The following ABTB2 variants were observed in gnomAD, a reference collection of about 807,000 sequenced individuals.
ABTB2 encodes ankyrin repeat and BTB domain containing 2, also known as ankyrin repeat and BTB/POZ domain-containing protein 2.
A neutral mutation model predicts 104.1 loss-of-function variants in ABTB2; 56 were observed. The observed-to-expected ratio is 0.54, with a 90% CI of 0.43 to 0.67. The LOEUF (loss-of-function observed/expected upper bound fraction) is 0.67, where lower values mean the gene tolerates loss of function less well. Among genes scored for constraint, ABTB2 ranks in the 30% least tolerant of loss-of-function variants. The probability of loss-of-function intolerance (pLI) is 0.00; values close to 1 mark genes in which losing one functional copy is unlikely to be tolerated. For synonymous variants in ABTB2, 606 were observed against 608.2 expected, an observed-to-expected ratio of 1.00 and a Z score of 0.05; for missense variants, 1,279 against 1,407.7, an observed-to-expected ratio of 0.91 and a Z score of 1.46.
At chr11:34,209,333 C>T (rs1853447428) in intron 1 of ABTB2, among the ~76,000 whole-genome samples, 1 of 151,184 alleles carries the variant, frequency 6.6e-6, no homozygotes, top group Non-Finnish European at 1.5e-5. Flanking sequence ...CAGAGTGAGC[C>T]TCTGTCTCCA....
intron 10 of ABTB2, 45 bp from the exon 11 acceptor site, chr11:34,161,126 G>C (rs1852715517): frequency 6.5e-7 from 1 of 1,539,506 alleles, no homozygotes. Flanking sequence ...CCACAGCTGA[G>C]CGCTCCCGGC....
intron 1 of ABTB2, among the ~76,000 whole-genome samples, chr11:34,236,339 T>C (rs1338860513): frequency 6.6e-6 from 1 of 152,114 alleles, no homozygotes; most frequent in Non-Finnish European, 1.5e-5. Context: ...GGGTAGAGAA[T>C]TCACACTTGT....
At chr11:34,256,877 C>T (rs1854129828) in intron 1 of ABTB2, among the ~76,000 whole-genome samples, 1 of 152,160 alleles carries the variant, frequency 6.6e-6, no homozygotes, top group Non-Finnish European at 1.5e-5. Context: ...GTTTTGTGGA[C>T]TGTCATGGCT....
intron 1 of ABTB2, among the ~76,000 whole-genome samples, chr11:34,300,880 T>C (rs1854696520): frequency 6.6e-6 from 1 of 152,224 alleles, no homozygotes. Context: ...AAGTGAATCA[T>C]AAACTACTTT....
In ABTB2 at chr11:34,159,289, C is replaced by G; in HGVS notation, c.2697+7G>C. On this transcript the variant is annotated splice_region_variant and intron_variant, in intron 14 of 16. Coordinates refer to ENST00000435224, the MANE Select transcript of ABTB2 (RefSeq NM_145804.3). ...CTGAGAAGAGGGCGGCACCAAGACCCACACACCTGAAAAATGTGGTACTTC... is the reference window on the plus strand; with the variant it reads ...CTGAGAAGAGGGCGGCACCAAGACCGACACACCTGAAAAATGTGGTACTTC... The G allele has an allele frequency of 6.2e-7, 1 of 1,608,942 alleles. No individual in the cohort carries two copies. The highest frequency in any genetic ancestry group is 8.5e-7 in the Non-Finnish European group (1 of 1,177,072).
rs905665217 is a variant in ABTB2 at position 34,335,717 on chromosome 11, T to C, written c.883+20984A>G. 2.2e-6 allele frequency: 3 copies of C among 1,394,274 alleles called. No homozygotes were observed. In the African/African-American group the frequency reaches 4.3e-5, roughly 20 times the overall value. 86.4% of individuals were successfully genotyped at this position (1,394,274 alleles called of 1,614,324 possible). On this transcript the variant is annotated intron_variant, in intron 1 of 16. Transcript: ENST00000435224. The stretch of plus-strand genomic sequence containing the variant: ...TCTGCTAGAACATCAGGCAAAGTTT[T>C]ATAAAGCAGGCTTTTCTTCTGTGAA...
At chr11:34,268,893 C>A (rs1854279965) in intron 1 of ABTB2, among the ~76,000 whole-genome samples, 1 of 152,168 alleles carries the variant, frequency 6.6e-6, no homozygotes, top group African/African-American at 2.4e-5. Flanking sequence ...GATGGGGGAC[C>A]CACCCTACCC....
At position 34,247,742 on chromosome 11, in the gene ABTB2, T is replaced by C. The variant is rs894288608; in HGVS notation, c.884-43052A>G. On this transcript the variant is annotated intron_variant, in intron 1 of 16. Coordinates refer to ENST00000435224, the MANE Select transcript of ABTB2 (RefSeq NM_145804.3). ...AATTATAGCAATAGCTGATACAGAT[T>C]GTGCATTGACTACAAATCAGATACT... Among the ~76,000 whole-genome samples, 5 of 152,362 alleles carry C rather than the reference T, an allele frequency of 3.3e-5. No individual in the cohort carries two copies. The South Asian group carries it at 1.0e-3, about 32-fold the overall frequency.
At chr11:34,187,985 A>G (rs1229166922) in intron 3 of ABTB2, among the ~76,000 whole-genome samples, 1 of 152,166 alleles carries the variant, frequency 6.6e-6, no homozygotes, top group African/African-American at 2.4e-5. Flanking sequence ...ACGCAGGCTT[A>G]TGGTAACAGT....
intron 1 of ABTB2, among the ~76,000 whole-genome samples, chr11:34,234,646 A>G (rs555456980): frequency 1.9e-4 from 29 of 152,262 alleles, no homozygotes; most frequent in Non-Finnish European, 3.5e-4. Flanking sequence ...TTTGTGCGGA[A>G]TCTTTTCCTT....
chr11:34,326,629 CAAA>C (rs35018448), intron 1 of ABTB2, among the ~76,000 whole-genome samples: 3 of 102,358 alleles, frequency 2.9e-5, no homozygotes, highest in African/African-American at 3.4e-5. Flanking sequence ...GACCCTGTCT[CAAA>C]AAAAAAAAAA....
rs536093339 is a variant in ABTB2, at chr11:34,343,634, C to T, written c.883+13067G>A. Among the ~76,000 whole-genome samples, 18 of 137,196 alleles carry T rather than the reference C, an allele frequency of 1.3e-4. 1 individual carries two copies. Among genetic ancestry groups the T allele is most frequent in the African/African-American group, 3.0e-4 (12 of 40,430 alleles). The allele number at this position is 137,196 out of a possible 152,430, so 90.0% of individuals were successfully genotyped here. ...GGATTACAGGCGCCTGCCACCACAC[C>T]GCCTCATTTCTGTATTTTTAGTAGA... On this transcript the variant is annotated intron_variant, in intron 1 of 16. Transcript: ENST00000435224.
intron 1 of ABTB2, among the ~76,000 whole-genome samples, chr11:34,232,406 C>T (rs1407900815): frequency 4.1e-5 from 6 of 146,188 alleles, no homozygotes; most frequent in South Asian, 4.3e-4. Flanking sequence ...GCTGAGATCG[C>T]GCCACTGCAC....
At position 34,357,241 on chromosome 11, in the gene ABTB2, G is replaced by A. The variant is rs1374842786; in HGVS notation, c.343C>T (p.Arg115Trp). 2.0e-6 allele frequency: 3 copies of A among 1,499,108 alleles called. No individual in the cohort carries two copies. In the South Asian group the frequency reaches 3.8e-5, roughly 19 times the overall value. 92.9% of individuals were successfully genotyped at this position (1,499,108 alleles called of 1,614,324 possible). Residue 115 changes from arginine to tryptophan, a missense_variant, in exon 1 of 17, where the codon CGG (arginine) becomes TGG (tryptophan). Transcript: ENST00000435224. ...TCGGCGGAGAACTGGGGCAGCCGCC[G>A]GCCGCCAGCGCCTTTGCGGAGCACC... is the stretch of plus-strand genomic sequence containing the variant. ...ARVLRKGAGG[R>W]RLPQFSAEAV...
At position 34,328,152 on chromosome 11, in the gene ABTB2, G is replaced by A. The variant is rs190018106; in HGVS notation, c.883+28549C>T. On this transcript the variant is annotated intron_variant, in intron 1 of 16. Transcript: ENST00000435224. ...GTCAGACAGATGGAGAGATCACGTG[G>A]GTCAGACAGGTTGGAAGGAGGCCCA... Among the ~76,000 whole-genome samples, 482 of 152,266 alleles carry A rather than the reference G, an allele frequency of 3.2e-3. 3 individuals are homozygous for A. Among genetic ancestry groups the A allele is most frequent in the African/African-American group, 0.01 (436 of 41,550 alleles).
At chr11:34,287,185 GAAA>G (rs34599793) in intron 1 of ABTB2, among the ~76,000 whole-genome samples, 2 of 105,948 alleles carry the variant, frequency 1.9e-5, no homozygotes, top group Non-Finnish European at 2.0e-5. Flanking sequence ...TGTCTTTATT[GAAA>G]AAAAAAAAAA....
chr11:34,181,446 G>T (rs2133024216), intron 3 of ABTB2, among the ~76,000 whole-genome samples: 1 of 152,300 alleles, frequency 6.6e-6, no homozygotes, highest in South Asian at 2.1e-4. Context: ...GCACAGGCCT[G>T]TAACCAGAGG....
chr11:34,180,797 T>A (rs767221903), intron 3 of ABTB2, among the ~76,000 whole-genome samples: 8 of 152,224 alleles, frequency 5.3e-5, no homozygotes, highest in Non-Finnish European at 1.0e-4. Context: ...CAGGTGAGCC[T>A]GATTGTTCAA....
rs778125139 is a variant in ABTB2, at chr11:34,356,797, A to G, written c.787T>C (p.Ser263Pro). 1 of 1,609,056 alleles carries G rather than the reference A, an allele frequency of 6.2e-7. No homozygotes were observed. The highest frequency in any genetic ancestry group is 8.5e-7 in the Non-Finnish European group (1 of 1,177,892). The part of the protein sequence containing the change: ...DGGGAGGGEV[S>P]AEALEMVINN... ...ATGACCATCTCCAGGGCCTCAGCAGACACCTCCCCGCCTCCGGCCCCTCCG... is the reference window on the plus strand; with the variant it reads ...ATGACCATCTCCAGGGCCTCAGCAGGCACCTCCCCGCCTCCGGCCCCTCCG... The change falls in exon 1 of 17, where the codon TCT becomes CCT. Residue 263 changes from serine to proline, a missense_variant. Ser to Pro is a moderately conservative substitution (Grantham distance 74). Transcript: ENST00000435224. The surrounding 1 kb of genome is among the most constrained non-coding windows in gnomAD (Gnocchi z 4.6).
Sources: gnomAD v4.1 joint callset for allele counts (sites outside exome capture counted in the v4.1 genomes callset) on GRCh38, gnomAD v4.1.1 for gene constraint, Gnocchi (gnomAD v3.1) non-coding constraint, MANE v1.5 for transcripts, NCBI Gene and HGNC (gene_info 2026-07-23, HGNC 2026-07-21) for gene names.